ZNF704: variants seen among roughly 807,000 people sequenced by gnomAD.
ZNF704 encodes the protein glucocorticoid induced gene 1.
Under a neutral mutation model 44.7 loss-of-function variants are expected in ZNF704, and 10 were observed. The observed-to-expected ratio is 0.22, with a 90% CI of 0.14 to 0.38. ZNF704 has a LOEUF of 0.38. Ranked by LOEUF, ZNF704 falls within the 10% of genes least tolerant of loss-of-function variation. ZNF704 has a pLI of 1.00. For missense variants in ZNF704, 390 were observed against 545.5 expected, an observed-to-expected ratio of 0.71 and a Z score of 2.84; for synonymous variants, 211 against 207.6, an observed-to-expected ratio of 1.02 and a Z score of -0.14.
intron 4 of ZNF704, among the ~76,000 whole-genome samples, chr8:80,685,994 C>T (rs903162577): frequency 9.2e-5 from 14 of 152,180 alleles, no homozygotes; most frequent in Admixed American, 2.6e-4. Flanking sequence ...CATATAACAA[C>T]AGTTTTACAT....
At chr8:80,687,584 C>A in intron 3 of ZNF704, 126 bp from the exon 4 acceptor site, 2 of 661,990 alleles carry the variant, frequency 3.0e-6, no homozygotes, top group Non-Finnish European at 4.9e-6. Context: ...TCTGCAACAG[C>A]TGGGTATGTA....
At chr8:80,727,681 C>T (rs1332893870) in intron 2 of ZNF704, among the ~76,000 whole-genome samples, 5 of 152,030 alleles carry the variant, frequency 3.3e-5, no homozygotes, top group Non-Finnish European at 7.4e-5. Context: ...CCTCATGAGA[C>T]CCCGCCCCGA....
chr8:80,645,201 C>T (rs1817809329), intron 7 of ZNF704: 29 of 1,569,084 alleles, frequency 1.8e-5, no homozygotes, highest in Admixed American at 5.6e-5. Context: ...CCTTCAGCCC[C>T]GCGCCGCCAA....
At position 80,688,780 on chromosome 8, in the gene ZNF704, G is replaced by A. The variant is rs189785514; in HGVS notation, c.326-1322C>T. On this transcript the variant is annotated intron_variant, in intron 3 of 8. Transcript: ENST00000327835. ...CTTCTGCCAGCCTGGCCTATATGGCGAAACCCCGTCTCTACTAAAAATACA... is the reference window on the plus strand; with the variant it reads ...CTTCTGCCAGCCTGGCCTATATGGCAAAACCCCGTCTCTACTAAAAATACA... Among the ~76,000 whole-genome samples the A allele has an allele frequency of 2.2e-4, 33 of 152,188 alleles. 1 individual carries two copies. The highest frequency in any genetic ancestry group is 5.3e-4 in the African/African-American group (22 of 41,546).
intron 3 of ZNF704, 45 bp from the exon 4 acceptor site, chr8:80,687,503 C>T (rs1043468482): frequency 1.1e-5 from 15 of 1,414,700 alleles, no homozygotes; most frequent in South Asian, 4.2e-5. Flanking sequence ...CCTGCGTGCC[C>T]GGGCATGGTT....
intron 5 of ZNF704, among the ~76,000 whole-genome samples, chr8:80,667,241 G>A (rs1187747721): frequency 6.6e-6 from 1 of 152,176 alleles, no homozygotes; most frequent in South Asian, 2.1e-4. Flanking sequence ...TGCAGCCCAC[G>A]GCGATGGCTT....
intron 4 of ZNF704, among the ~76,000 whole-genome samples, chr8:80,680,638 G>A (rs1314838062): frequency 8.5e-5 from 13 of 152,124 alleles, no homozygotes; most frequent in Non-Finnish European, 7.3e-5. Context: ...CAGTAAATGC[G>A]CTCGTGTATT....
At chr8:80,863,726 T>C (rs937235065) in intron 1 of ZNF704, among the ~76,000 whole-genome samples, 4 of 152,226 alleles carry the variant, frequency 2.6e-5, no homozygotes, top group African/African-American at 9.6e-5. Flanking sequence ...TTATTATACA[T>C]GGTATCAACA....
chr8:80,719,484 G>A (rs1819127898), intron 2 of ZNF704, among the ~76,000 whole-genome samples: 1 of 152,104 alleles, frequency 6.6e-6, no homozygotes, highest in East Asian at 1.9e-4. Flanking sequence ...TTAGTTACTA[G>A]GGCAATAATG....
At chr8:80,824,283 C>A (rs1299623405) in intron 1 of ZNF704, among the ~76,000 whole-genome samples, 2 of 152,106 alleles carry the variant, frequency 1.3e-5, no homozygotes, top group African/African-American at 4.8e-5. Flanking sequence ...GACGCATGCA[C>A]AAGCTTCAGT....
rs910732784 is a variant in ZNF704, at chr8:80,665,809, CTATTT to C, written c.660-732_660-728del. On this transcript the variant is annotated intron_variant, in intron 5 of 8. Transcript: ENST00000327835. ...TTAAGCAGGATTAGTAATGCGGGCACTATTTTATTTTATTTTATTTTATTTTTTTT... is the reference window on the plus strand; with the variant it reads ...TTAAGCAGGATTAGTAATGCGGGCACTATTTTATTTTATTTTATTTTTTTT... 1.5e-3 allele frequency among the ~76,000 whole-genome samples: 220 copies of C among 151,418 alleles called. 2 individuals are homozygous for C. Among genetic ancestry groups the C allele is most frequent in the African/African-American group, 4.9e-3 (203 of 41,256 alleles).
At chr8:80,695,850 GATTACCTT>G (rs1229687571) in intron 2 of ZNF704, among the ~76,000 whole-genome samples, 2 of 152,094 alleles carry the variant, frequency 1.3e-5, no homozygotes, top group Non-Finnish European at 2.9e-5. Context: ...TTTGGATTTG[GATTACCTT>G]TAAGTTTCCT....
chr8:80,646,066 G>A (rs1005163131), intron 7 of ZNF704, among the ~76,000 whole-genome samples: 1 of 152,128 alleles, frequency 6.6e-6, no homozygotes, highest in African/African-American at 2.4e-5. Flanking sequence ...AACAGAGGCT[G>A]GCATGTTGAT....
chr8:80,652,532 A>G (rs1480274448), intron 7 of ZNF704, among the ~76,000 whole-genome samples: 5 of 152,232 alleles, frequency 3.3e-5, no homozygotes, highest in Non-Finnish European at 7.3e-5. Context: ...AGAGAATACT[A>G]TAAACACCTC....
At chr8:80,680,352 G>C (rs1332074623) in intron 4 of ZNF704, among the ~76,000 whole-genome samples, 1 of 150,464 alleles carries the variant, frequency 6.6e-6, no homozygotes, top group Non-Finnish European at 1.5e-5. Context: ...TGACTAAAAG[G>C]ATCTTCAGGT....
At chr8:80,850,901 T>C (rs569511943) in intron 1 of ZNF704, among the ~76,000 whole-genome samples, 1 of 152,326 alleles carries the variant, frequency 6.6e-6, no homozygotes, top group East Asian at 1.9e-4. Context: ...TTCCTGACCA[T>C]CCTAGCCATC....
intron 1 of ZNF704, among the ~76,000 whole-genome samples, chr8:80,853,575 C>A (rs763276778): frequency 6.6e-6 from 1 of 150,466 alleles, no homozygotes; most frequent in African/African-American, 2.4e-5. Context: ...AAAAAGACAA[C>A]GAAACTATAG....
chr8:80,702,838 T>C (rs1005617084), intron 2 of ZNF704, among the ~76,000 whole-genome samples: 2 of 151,778 alleles, frequency 1.3e-5, no homozygotes, highest in South Asian at 2.1e-4. Flanking sequence ...GGATCGGAAA[T>C]GGCGAGGCTG....
At chr8:80,672,298 G>A (rs942357547) in intron 4 of ZNF704, among the ~76,000 whole-genome samples, 1 of 152,196 alleles carries the variant, frequency 6.6e-6, no homozygotes, top group African/African-American at 2.4e-5. Flanking sequence ...GAGAAACGAG[G>A]ATGCATATAC....
Sources: gnomAD v4.1 joint callset for allele counts (sites outside exome capture counted in the v4.1 genomes callset) on GRCh38, gnomAD v4.1.1 for gene constraint, MANE v1.5 for transcripts, NCBI Gene and HGNC (gene_info 2026-07-23, HGNC 2026-07-21) for gene names.